Variants in GALNT1 observed in about 807,000 individuals in gnomAD.
GALNT1 encodes polypeptide N-acetylgalactosaminyltransferase 1, also known as GalNAc transferase 1.
In GALNT1, 17 loss-of-function variants were observed where a neutral mutation model predicts 65.7. The ratio of observed to expected loss-of-function variants is 0.26; its 90% CI spans 0.18 to 0.39. The LOEUF (loss-of-function observed/expected upper bound fraction) is 0.39, where lower values mean the gene tolerates loss of function less well. GALNT1 is among the 10% of genes least tolerant of loss of function. The pLI, the probability that GALNT1 is intolerant of heterozygous loss-of-function variation, is 1.00. For synonymous variants in GALNT1, 210 were observed against 219.7 expected (o/e 0.96, Z 0.39); for missense variants, 460 against 672.8 (o/e 0.68, Z 3.50).
At chr18:35,680,710 A>G (rs993564984) in intron 4 of GALNT1, among the ~76,000 whole-genome samples, 2 of 152,222 alleles carry the variant, frequency 1.3e-5, no homozygotes, top group Non-Finnish European at 2.9e-5. Flanking sequence ...AGTAGGTGCT[A>G]TAATTATTCC....
At chr18:35,632,125 C>A (rs1285473014) in intron 1 of GALNT1, among the ~76,000 whole-genome samples, 1 of 152,246 alleles carries the variant, frequency 6.6e-6, no homozygotes, top group African/African-American at 2.4e-5. Context: ...CCATACTGCC[C>A]AAAGTAATTT....
rs555861506 is a variant in GALNT1, at chr18:35,641,137, T to A, written c.-103-13423T>A. ...CACCATACCCAGACAAAGATACTTC[T>A]TTTTTATTAAGAACATTGGGAAAAG... On this transcript the variant is annotated intron_variant, in intron 1 of 11. Coordinates refer to ENST00000269195, the MANE Select transcript of GALNT1 (RefSeq NM_020474.4). 5.3e-5 allele frequency among the ~76,000 whole-genome samples: 8 copies of A among 152,316 alleles called. No homozygotes were observed. In the East Asian group the frequency reaches 1.5e-3, roughly 29 times the overall value.
At chr18:35,699,716 C>T (rs1264596105) in intron 9 of GALNT1, among the ~76,000 whole-genome samples, 2 of 152,162 alleles carry the variant, frequency 1.3e-5, no homozygotes, top group South Asian at 2.1e-4. Context: ...AGAGCTAGTC[C>T]TCAATTCTTG....
intron 1 of GALNT1, among the ~76,000 whole-genome samples, chr18:35,627,888 A>T (rs2046939592): frequency 6.6e-6 from 1 of 152,046 alleles, no homozygotes; most frequent in African/African-American, 2.4e-5. Context: ...CGCTTTTCTG[A>T]TGGTCTTAGC....
At chr18:35,683,871 A>G (rs1263536159) in intron 5 of GALNT1, among the ~76,000 whole-genome samples, 1 of 152,222 alleles carries the variant, frequency 6.6e-6, no homozygotes, top group Non-Finnish European at 1.5e-5. Context: ...AAGCTGGAGC[A>G]GAACAGATAG....
chr18:35,590,458 G>A lies in GALNT1; in HGVS notation c.-104+8596G>A, dbSNP rs190958097. Among the ~76,000 whole-genome samples, 656 of 152,216 alleles carry A rather than the reference G, an allele frequency of 4.3e-3. 2 individuals are homozygous for A. The highest frequency in any genetic ancestry group is 7.5e-3 in the Admixed American group (114 of 15,284). ...TTGAGTATAGGACAAACTTCTATGG[G>A]AACCAGGAGGTGATTTGAAGACAGT... On this transcript the variant is annotated intron_variant, in intron 1 of 11. Transcript: ENST00000269195.
chr18:35,615,289 C>CT (rs912836541), intron 1 of GALNT1, among the ~76,000 whole-genome samples: 2 of 152,208 alleles, frequency 1.3e-5, no homozygotes, highest in East Asian at 1.9e-4. Flanking sequence ...AACCAGAACT[C>CT]TAAGTACGTG....
At chr18:35,609,649 A>G (rs535355192) in intron 1 of GALNT1, among the ~76,000 whole-genome samples, 2 of 152,314 alleles carry the variant, frequency 1.3e-5, no homozygotes, top group African/African-American at 2.4e-5. Flanking sequence ...AAGTTTTCCT[A>G]TAAGATAATT....
At chr18:35,632,177 T>C (rs1333045358) in intron 1 of GALNT1, among the ~76,000 whole-genome samples, 3 of 152,216 alleles carry the variant, frequency 2.0e-5, no homozygotes, top group African/African-American at 4.8e-5. Context: ...AATGACTTTC[T>C]TCACAGAATT....
At chr18:35,641,164 G>T in intron 1 of GALNT1, among the ~76,000 whole-genome samples, 1 of 152,156 alleles carries the variant, frequency 6.6e-6, no homozygotes, top group East Asian at 1.9e-4. Context: ...TGGGAAAAGG[G>T]CTTGGGATGG....
rs182369077 is a variant in GALNT1 at position 35,592,430 on chromosome 18, T to C, written c.-104+10568T>C. Among the ~76,000 whole-genome samples, 5 of 152,242 alleles carry C rather than the reference T, an allele frequency of 3.3e-5. No homozygotes were observed. In the East Asian group the frequency reaches 7.7e-4, roughly 23 times the overall value. On this transcript the variant is annotated intron_variant, in intron 1 of 11. Transcript: ENST00000269195. ...AGAGGATTCTGGTAAAAAAGAATGC[T>C]ATGCACAGAGACTGTGTAGCAAAGA...
chr18:35,583,934 A>G (rs1392350516), intron 1 of GALNT1, among the ~76,000 whole-genome samples: 1 of 152,234 alleles, frequency 6.6e-6, no homozygotes, highest in Non-Finnish European at 1.5e-5. Flanking sequence ...TGAATCACAC[A>G]TTAGTGCTTC....
rs1252809222 is a variant in GALNT1 at position 35,663,685 on chromosome 18, T to C, written c.197T>C (p.Val66Ala). 1.2e-6 allele frequency: 2 copies of C among 1,614,016 alleles called. No homozygotes were observed. Among genetic ancestry groups the C allele is most frequent in the East Asian group, 4.5e-5 (2 of 44,866 alleles). The change falls in exon 3 of 12, where the codon GTC (valine) becomes GCC (alanine). Residue 66 changes from valine (V) to alanine (A), a missense_variant. Physicochemically the swap from Val to Ala is moderately conservative, Grantham distance 64 (BLOSUM62 0). Transcript: ENST00000269195. The stretch of plus-strand genomic sequence containing the variant: ...CCTGGAGAAATGGGGAAACCAGTCG[T>C]CATTCCTAAAGAGGATCAAGAAAAG... ...EGPGEMGKPVVIPKEDQEKMK... is the reference protein window; with the variant it reads ...EGPGEMGKPVAIPKEDQEKMK...
intron 1 of GALNT1, among the ~76,000 whole-genome samples, chr18:35,624,995 A>G (rs2046898006): frequency 6.6e-6 from 1 of 152,236 alleles, no homozygotes; most frequent in Admixed American, 6.5e-5. Context: ...TAAATTAATT[A>G]AGATACATTA....
intron 7 of GALNT1, among the ~76,000 whole-genome samples, chr18:35,690,267 C>T (rs1292398601): frequency 6.6e-6 from 1 of 151,976 alleles, no homozygotes; most frequent in Non-Finnish European, 1.5e-5. Context: ...TTTACTGTCT[C>T]ACTGAAGAAC....
intron 1 of GALNT1, among the ~76,000 whole-genome samples, chr18:35,634,721 A>G (rs1407515518): frequency 6.6e-6 from 1 of 152,206 alleles, no homozygotes; most frequent in Non-Finnish European, 1.5e-5. Flanking sequence ...AGGAAAGCAG[A>G]TGTTTATACA....
chr18:35,658,448 A>G (rs2047426479), intron 2 of GALNT1, among the ~76,000 whole-genome samples: 1 of 152,186 alleles, frequency 6.6e-6, no homozygotes, highest in Admixed American at 6.5e-5. Context: ...AGAAATGATT[A>G]GGGGAAGAGC....
At chr18:35,607,404 C>G (rs984637477) in intron 1 of GALNT1, among the ~76,000 whole-genome samples, 3 of 152,196 alleles carry the variant, frequency 2.0e-5, no homozygotes, top group African/African-American at 7.2e-5. Context: ...TCTGTGATGC[C>G]TTACTCTATG....
intron 1 of GALNT1, among the ~76,000 whole-genome samples, chr18:35,588,379 T>G (rs72958835): frequency 0.061 from 9,364 of 152,276 alleles, 318 homozygotes; most frequent in South Asian, 0.076. Flanking sequence ...CGTCTTTAGT[T>G]TTCGAAAGTT....
Sources: allele counts gnomAD v4.1 joint callset (sites outside exome capture counted in the v4.1 genomes callset), GRCh38; gene constraint gnomAD v4.1.1; transcripts MANE v1.5; gene names NCBI Gene and HGNC (gene_info 2026-07-23, HGNC 2026-07-21).